GDPD5: variants seen among roughly 807,000 people sequenced by gnomAD.
The protein encoded by GDPD5 is glycerophosphodiester phosphodiesterase domain containing 5, also known as glycerophosphodiester phosphodiesterase 2.
Under a neutral mutation model 75.1 loss-of-function variants are expected in GDPD5, and 48 were observed. The observed-to-expected ratio is 0.64, with a 90% CI of 0.51 to 0.81. The LOEUF is 0.81. GDPD5 is among the 40% of genes least tolerant of loss of function. The probability of loss-of-function intolerance (pLI) is 0.00; values close to 1 mark genes in which losing one functional copy is unlikely to be tolerated. For synonymous variants in GDPD5, 336 were observed against 339.0 expected (o/e 0.99, Z 0.10); for missense variants, 706 against 822.6 (o/e 0.86, Z 1.73).
chr11:75,477,542 G>T, intron 3 of GDPD5, 77 bp downstream of exon 3: 3 of 894,582 alleles, frequency 3.4e-6, no homozygotes, highest in Non-Finnish European at 5.0e-6. Flanking sequence ...CAGAGACAGA[G>T]CTAAGACCCC....
intron 3 of GDPD5, among the ~76,000 whole-genome samples, chr11:75,471,845 C>T (rs1410290733): frequency 6.6e-6 from 1 of 152,144 alleles, no homozygotes. Flanking sequence ...GCGATAAATC[C>T]CCACCTCCTC....
chr11:75,494,672 G>T (rs761155600), intron 1 of GDPD5, among the ~76,000 whole-genome samples: 4 of 151,938 alleles, frequency 2.6e-5, no homozygotes, highest in Non-Finnish European at 4.4e-5. Context: ...AAATTTGATG[G>T]CCAGATGCGG....
In GDPD5 at chr11:75,443,203, C is replaced by T. The variant is rs770826317; in HGVS notation, c.881G>A (p.Arg294His). ...NVEEEFPELA[R>H]RPASMLNWTT... ...CCAGTTAAGCATGGAGGCAGGCCTGCGGGCCAGCTCCGGGAACTCCTCCTC... is the reference window on the plus strand; with the variant it reads ...CCAGTTAAGCATGGAGGCAGGCCTGTGGGCCAGCTCCGGGAACTCCTCCTC... The change falls in exon 11 of 17, where the codon CGC becomes CAC. Residue 294 changes from arginine (R) to histidine (H), a missense_variant. Coordinates refer to ENST00000336898, the MANE Select transcript of GDPD5 (RefSeq NM_030792.8). The T allele has an allele frequency of 1.4e-5, 23 of 1,603,532 alleles. No individual in the cohort carries two copies. The highest frequency in any genetic ancestry group is 3.3e-4 in the Middle Eastern group (2 of 6,042).
chr11:75,523,162 G>A (rs74504986), intron 1 of GDPD5, among the ~76,000 whole-genome samples: 17 of 152,254 alleles, frequency 1.1e-4, no homozygotes, highest in Non-Finnish European at 2.2e-4. Flanking sequence ...TTTAATCCTC[G>A]CAACAACCTG....
chr11:75,519,161 C>T (rs1274247072), intron 1 of GDPD5, among the ~76,000 whole-genome samples: 2 of 152,126 alleles, frequency 1.3e-5, no homozygotes, highest in African/African-American at 2.4e-5. Flanking sequence ...AAGTGAGAGG[C>T]CTGTGGAGTC....
intron 3 of GDPD5, among the ~76,000 whole-genome samples, chr11:75,467,140 C>G (rs1216259055): frequency 6.6e-6 from 1 of 152,216 alleles, no homozygotes; most frequent in Admixed American, 6.5e-5. Flanking sequence ...CTGTGACCCT[C>G]AATCAAATTG....
intron 10 of GDPD5, among the ~76,000 whole-genome samples, chr11:75,443,678 TCC>T (rs1401151138): frequency 6.6e-6 from 1 of 152,198 alleles, no homozygotes; most frequent in Non-Finnish European, 1.5e-5. Flanking sequence ...TGGAACCAAA[TCC>T]CTGTGATGCT....
At chr11:75,479,112 G>A (rs1365145102) in intron 2 of GDPD5, 1 of 152,216 alleles carries the variant, frequency 6.6e-6, no homozygotes. Context: ...CTCGGCCTCT[G>A]GGGGCCAGTG....
intron 1 of GDPD5, among the ~76,000 whole-genome samples, chr11:75,502,507 T>C (rs1950319229): frequency 6.6e-6 from 1 of 152,248 alleles, no homozygotes. Flanking sequence ...TGTTTACTCA[T>C]CTAACTCTCA....
intron 5 of GDPD5, 31 bp from the exon 6 acceptor site, chr11:75,456,847 G>A: frequency 6.2e-7 from 1 of 1,607,686 alleles, no homozygotes; most frequent in Non-Finnish European, 8.5e-7. Context: ...TGATTGTCAG[G>A]CCCGTGTGGG....
chr11:75,448,359 C>T, intron 9 of GDPD5: 1 of 462,650 alleles, frequency 2.2e-6, no homozygotes. Context: ...ACAGCAGGTG[C>T]TCTCACTAGT....
At chr11:75,468,874 A>G (rs1259098159) in intron 3 of GDPD5, among the ~76,000 whole-genome samples, 1 of 152,236 alleles carries the variant, frequency 6.6e-6, no homozygotes, top group Non-Finnish European at 1.5e-5. Context: ...GCTGTAGGCC[A>G]ATCGCTCAGG....
At chr11:75,447,221 G>A (rs1042577879) in intron 9 of GDPD5, among the ~76,000 whole-genome samples, 4 of 152,190 alleles carry the variant, frequency 2.6e-5, no homozygotes, top group Admixed American at 6.5e-5. Flanking sequence ...CAGGAGACAC[G>A]CCAACCAGAT....
At chr11:75,485,952 G>A (rs1377629681) in intron 2 of GDPD5, among the ~76,000 whole-genome samples, 1 of 152,186 alleles carries the variant, frequency 6.6e-6, no homozygotes, top group Non-Finnish European at 1.5e-5. Flanking sequence ...CCTTCTCCTT[G>A]GCCGTGGCTG....
chr11:75,523,440 T>C (rs1557473), intron 1 of GDPD5, among the ~76,000 whole-genome samples: 142,794 of 152,278 alleles, frequency 0.94, 67,194 homozygotes, highest in Middle Eastern at 0.98. Flanking sequence ...TGAGCTTCAG[T>C]TGCCCACACG....
At chr11:75,492,273 C>T (rs1210225884) in intron 1 of GDPD5, 1 of 152,406 alleles carries the variant, frequency 6.6e-6, no homozygotes, top group Non-Finnish European at 1.5e-5. Flanking sequence ...TGCCCACTGC[C>T]CTGTGTCAGG....
At chr11:75,466,408 A>G (rs1592098844) in intron 3 of GDPD5, among the ~76,000 whole-genome samples, 2 of 152,118 alleles carry the variant, frequency 1.3e-5, no homozygotes, top group Admixed American at 1.3e-4. Context: ...TGGCCTGGGG[A>G]GCAGCTCCAC....
intron 1 of GDPD5, chr11:75,506,832 G>A (rs533460665): frequency 1.3e-5 from 2 of 152,318 alleles, no homozygotes; most frequent in African/African-American, 4.8e-5. Context: ...GGAACTGAAA[G>A]AGTCCACGGT....
At chr11:75,524,864 TC>T (rs1405588145) in intron 1 of GDPD5, among the ~76,000 whole-genome samples, 1 of 152,154 alleles carries the variant, frequency 6.6e-6, no homozygotes, top group East Asian at 1.9e-4. Flanking sequence ...CTCTGCCTCT[TC>T]CCCCTCTATC....
Sources: allele counts gnomAD v4.1 joint callset (sites outside exome capture counted in the v4.1 genomes callset), GRCh38; gene constraint gnomAD v4.1.1; transcripts MANE v1.5; gene names NCBI Gene and HGNC (gene_info 2026-07-23, HGNC 2026-07-21).